Variants in OSBPL10 observed in about 807,000 individuals in gnomAD.
OSBPL10 encodes oxysterol-binding protein-related protein 10.
A neutral mutation model predicts 81.7 loss-of-function variants in OSBPL10; 49 were observed. The observed-to-expected ratio is 0.60, with a 90% CI of 0.48 to 0.76. The LOEUF is 0.76. OSBPL10 is among the 30% of genes least tolerant of loss of function. The pLI, the probability that OSBPL10 is intolerant of heterozygous loss-of-function variation, is 0.00. For synonymous variants in OSBPL10, 419 were observed against 383.6 expected (o/e 1.09, Z -1.08); for missense variants, 923 against 987.8 (o/e 0.93, Z 0.88).
At position 31,981,010 on chromosome 3, in the gene OSBPL10, C is replaced by A. The variant is rs376775689; in HGVS notation, c.170G>T (p.Ser57Ile). 26 of 1,484,080 alleles carry A rather than the reference C, an allele frequency of 1.8e-5. No homozygotes were observed. The highest frequency in any genetic ancestry group is 1.0e-4 in the Admixed American group (4 of 39,426). 91.9% of individuals were successfully genotyped at this position (1,484,080 alleles called of 1,614,324 possible). The part of the protein sequence containing the change: ...AGLGGGGSRS[S>I]PGSVAASPSG... The stretch of plus-strand genomic sequence containing the variant: ...CGGGCTAGCGGCCACAGAGCCCGGG[C>A]TGCTGCGGCTTCCCCCGCCGCCGAG... The change falls in exon 1 of 12, where the codon AGC becomes ATC. Residue 57 changes from serine (S) to isoleucine (I), a missense_variant. Around this residue, in one of 3 missense-constraint regions of OSBPL10, gnomAD observed 514 missense variants for 508.0 expected, o/e 1.01. Coordinates refer to ENST00000396556, the MANE Select transcript of OSBPL10 (RefSeq NM_017784.5). The surrounding 1 kb of genome is among the most constrained non-coding windows in gnomAD (Gnocchi z 4.5).
chr3:31,819,712 C>T (rs949522097), intron 4 of OSBPL10, among the ~76,000 whole-genome samples: 2 of 152,260 alleles, frequency 1.3e-5, no homozygotes, highest in Non-Finnish European at 2.9e-5. Context: ...AACCACTTCA[C>T]ACGCGTGTGA....
intron 6 of OSBPL10, among the ~76,000 whole-genome samples, chr3:31,724,889 T>G (rs1319771924): frequency 2.0e-5 from 3 of 152,154 alleles, no homozygotes; most frequent in Non-Finnish European, 4.4e-5. Flanking sequence ...GGAGGCAGTA[T>G]AGCCTATGAG....
At chr3:31,853,376 G>A (rs1700818014) in intron 3 of OSBPL10, among the ~76,000 whole-genome samples, 2 of 152,168 alleles carry the variant, frequency 1.3e-5, no homozygotes, top group Non-Finnish European at 2.9e-5. Flanking sequence ...CAAGGGGTCT[G>A]TGAAGGGCTG....
intron 3 of OSBPL10, among the ~76,000 whole-genome samples, chr3:31,846,215 A>T (rs188519454): frequency 6.6e-6 from 1 of 152,210 alleles, no homozygotes; most frequent in Non-Finnish European, 1.5e-5. Context: ...ATCTCACTAT[A>T]TTGCCCAGGT....
intron 4 of OSBPL10, among the ~76,000 whole-genome samples, chr3:31,824,877 G>A (rs548244541): frequency 6.6e-6 from 1 of 152,134 alleles, no homozygotes; most frequent in African/African-American, 2.4e-5. Context: ...AAGCCTTCTT[G>A]TACGCTCAAC....
chr3:31,774,367 T>C (rs905390403), intron 4 of OSBPL10, among the ~76,000 whole-genome samples: 5 of 152,068 alleles, frequency 3.3e-5, no homozygotes, highest in African/African-American at 9.7e-5. Context: ...GATGGGAGAA[T>C]TGCCACAACA....
intron 4 of OSBPL10, among the ~76,000 whole-genome samples, chr3:31,769,564 T>C (rs13072183): frequency 0.59 from 83,347 of 141,440 alleles, 27,902 homozygotes; most frequent in East Asian, 0.79. Flanking sequence ...TATATTTTTA[T>C]ATTATAACTC....
chr3:31,991,165 G>T (rs1699023480), intron 2 of OSBPL10: 1 of 669,774 alleles, frequency 1.5e-6, no homozygotes, highest in African/African-American at 1.8e-5. Context: ...AGAGGATTGG[G>T]CTGGGCAGGG....
intron 4 of OSBPL10, among the ~76,000 whole-genome samples, chr3:31,828,274 A>G (rs1350982226): frequency 1.3e-5 from 2 of 152,220 alleles, no homozygotes; most frequent in Non-Finnish European, 2.9e-5. Context: ...AAACTTAACT[A>G]TTCTTTAAAA....
At chr3:31,778,188 T>C (rs1246663747) in intron 4 of OSBPL10, among the ~76,000 whole-genome samples, 1 of 152,194 alleles carries the variant, frequency 6.6e-6, no homozygotes, top group Non-Finnish European at 1.5e-5. Flanking sequence ...CTCAGTGCTA[T>C]TAGCAAGACT....
intron 1 of OSBPL10, among the ~76,000 whole-genome samples, chr3:31,927,653 T>G (rs1697114084): frequency 6.6e-6 from 1 of 152,260 alleles, no homozygotes; most frequent in Non-Finnish European, 1.5e-5. Context: ...GGTCCTGATA[T>G]AATTTTCAGG....
chr3:32,048,230 C>G (rs914820736), intron 1 of OSBPL10, among the ~76,000 whole-genome samples: 2 of 152,026 alleles, frequency 1.3e-5, no homozygotes, highest in Admixed American at 6.6e-5. Flanking sequence ...CCTCTCATCC[C>G]TCTGCTCAAA....
chr3:31,966,151 TTATGTGTGTGTGTGTGTG>T (rs1698394323), intron 1 of OSBPL10, among the ~76,000 whole-genome samples: 1 of 104,462 alleles, frequency 9.6e-6, no homozygotes, highest in East Asian at 2.8e-4. Flanking sequence ...AACAACAAAA[TTATGTGTGTGTGTGTGTG>T]TGTGTGTGTG....
At chr3:31,980,145 C>T (rs1698792176) in intron 1 of OSBPL10, among the ~76,000 whole-genome samples, 2 of 151,988 alleles carry the variant, frequency 1.3e-5, no homozygotes, top group South Asian at 4.2e-4. Flanking sequence ...GCTGGAATTA[C>T]AGGCGCGCCG....
At chr3:31,938,131 C>A (rs1697432904) in intron 1 of OSBPL10, among the ~76,000 whole-genome samples, 1 of 152,134 alleles carries the variant, frequency 6.6e-6, no homozygotes, top group Admixed American at 6.5e-5. Context: ...TCTCATGCCA[C>A]CTCTCCCACC....
chr3:31,756,550 C>T (rs1026049350), intron 4 of OSBPL10, among the ~76,000 whole-genome samples: 3 of 152,212 alleles, frequency 2.0e-5, no homozygotes, highest in African/African-American at 4.8e-5. Flanking sequence ...TATATCTACA[C>T]ACACAGAGGT....
chr3:31,817,013 C>T (rs1699853091), intron 4 of OSBPL10, among the ~76,000 whole-genome samples: 1 of 152,204 alleles, frequency 6.6e-6, no homozygotes, highest in Non-Finnish European at 1.5e-5. Flanking sequence ...CTGGCCATCT[C>T]GTCTCTGCCC....
intron 3 of OSBPL10, among the ~76,000 whole-genome samples, chr3:31,837,500 ATCATATTTAAG>A (rs1363853693): frequency 2.6e-5 from 4 of 151,428 alleles, no homozygotes; most frequent in African/African-American, 9.7e-5. Flanking sequence ...TACAGTAACC[ATCATATTTAAG>A]TCATATTTAA....
chr3:31,820,552 G>A (rs952519085), intron 4 of OSBPL10, among the ~76,000 whole-genome samples: 9 of 151,702 alleles, frequency 5.9e-5, no homozygotes, highest in South Asian at 2.1e-4. Flanking sequence ...CCGAGATCAC[G>A]CCACTGCACT....
Sources: gnomAD v4.1 joint callset for allele counts (sites outside exome capture counted in the v4.1 genomes callset) on GRCh38, gnomAD v4.1.1 for gene constraint, gnomAD v4.1.1 regional missense constraint, Gnocchi (gnomAD v3.1) non-coding constraint, MANE v1.5 for transcripts, NCBI Gene and HGNC (gene_info 2026-07-23, HGNC 2026-07-21) for gene names.